DNAH14: variants seen among roughly 807,000 people sequenced by gnomAD.
The protein encoded by DNAH14 is axonemal beta dynein heavy chain 14.
Under a neutral mutation model 520.9 loss-of-function variants are expected in DNAH14, and 478 were observed. That is an observed-to-expected ratio of 0.92 (90% CI 0.85 to 0.99). The LOEUF (loss-of-function observed/expected upper bound fraction) is 0.99, where lower values mean the gene tolerates loss of function less well. Among genes scored for constraint, DNAH14 ranks in the 50% least tolerant of loss-of-function variants. The pLI, the probability that DNAH14 is intolerant of heterozygous loss-of-function variation, is 0.00. For missense variants in DNAH14, 4,831 were observed against 5,234.5 expected, an observed-to-expected ratio of 0.92 and a Z score of 2.38; for synonymous variants, 1,581 against 1,757.2, an observed-to-expected ratio of 0.90 and a Z score of 2.51.
intron 3 of DNAH14, among the ~76,000 whole-genome samples, chr1:224,955,678 C>A (rs2060467352): frequency 6.6e-6 from 1 of 152,150 alleles, no homozygotes; most frequent in South Asian, 2.1e-4. Flanking sequence ...ACTGTACCTC[C>A]TCTCCTTTAA....
intron 54 of DNAH14, among the ~76,000 whole-genome samples, chr1:225,282,820 TG>T (rs1296660619): frequency 1.3e-5 from 2 of 152,232 alleles, no homozygotes; most frequent in Non-Finnish European, 2.9e-5. Flanking sequence ...ATTTGTTTAT[TG>T]ATCATTCGGG....
At chr1:225,231,243 C>A in intron 42 of DNAH14, 92 bp downstream of exon 42, 1 of 828,740 alleles carries the variant, frequency 1.2e-6, no homozygotes, top group Non-Finnish European at 1.8e-6. Flanking sequence ...TAAATCAATA[C>A]TTTTGTATTT....
At chr1:225,142,593 C>T (rs2079554534) in intron 28 of DNAH14, among the ~76,000 whole-genome samples, 1 of 152,076 alleles carries the variant, frequency 6.6e-6, no homozygotes, top group Non-Finnish European at 1.5e-5. Flanking sequence ...GTAAGTGGTG[C>T]AGTACACAAT....
chr1:225,135,555 G>C (rs932817610), intron 27 of DNAH14, among the ~76,000 whole-genome samples: 1 of 152,102 alleles, frequency 6.6e-6, no homozygotes, highest in Non-Finnish European at 1.5e-5. Context: ...TTGCAGAGGA[G>C]TGTGATCACT....
At chr1:225,098,495 G>C (rs1029676019) in intron 22 of DNAH14, among the ~76,000 whole-genome samples, 1 of 152,160 alleles carries the variant, frequency 6.6e-6, no homozygotes. Context: ...GGAAAATCTT[G>C]AATAATATGT....
chr1:225,392,054 C>T (rs1438467337), intron 83 of DNAH14, among the ~76,000 whole-genome samples: 2 of 152,154 alleles, frequency 1.3e-5, no homozygotes, highest in African/African-American at 4.8e-5. Context: ...AGGAGGGGTG[C>T]TGGCCTTGAA....
intron 56 of DNAH14, among the ~76,000 whole-genome samples, chr1:225,302,533 G>C (rs2094158683): frequency 6.6e-6 from 1 of 152,146 alleles, no homozygotes; most frequent in Non-Finnish European, 1.5e-5. Context: ...TTATTGCAAA[G>C]TGATATCTGG....
chr1:225,002,177 G>A (rs2063819913), intron 8 of DNAH14, among the ~76,000 whole-genome samples: 1 of 152,064 alleles, frequency 6.6e-6, no homozygotes, highest in Non-Finnish European at 1.5e-5. Context: ...TGCTTTACTT[G>A]ATCCAATTTT....
In DNAH14 at chr1:225,183,444, G is replaced by A. The variant is rs561958625; in HGVS notation, c.5536-1847G>A. ...AAGAGGAAAGTTTATAGCACTGAAT[G>A]CCTACATTAAGAAATTAGAAAGATC... On this transcript the variant is annotated intron_variant, in intron 36 of 85. Coordinates refer to ENST00000682510, the MANE Select transcript of DNAH14 (RefSeq NM_001367479.1). Among the ~76,000 whole-genome samples, 100 of 152,294 alleles carry A rather than the reference G, an allele frequency of 6.6e-4. 3 individuals carry two copies. In the South Asian group the frequency reaches 0.014, roughly 21 times the overall value.
intron 39 of DNAH14, among the ~76,000 whole-genome samples, chr1:225,205,665 A>G (rs185262677): frequency 6.6e-6 from 1 of 152,324 alleles, no homozygotes; most frequent in East Asian, 1.9e-4. Flanking sequence ...AAACTTACAA[A>G]TCATATTATT....
chr1:225,142,998 T>TA (rs1169182076), intron 28 of DNAH14, among the ~76,000 whole-genome samples: 2 of 152,122 alleles, frequency 1.3e-5, no homozygotes, highest in African/African-American at 4.8e-5. Context: ...TTCATTTGTG[T>TA]ACCTTGTTTC....
Position 225,271,171 on chromosome 1 carries a change from A to G in DNAH14, c.7671+305A>G, listed in dbSNP as rs1385406180. 2.6e-5 allele frequency among the ~76,000 whole-genome samples: 4 copies of G among 152,196 alleles called. No individual in the cohort carries two copies. The East Asian group carries it at 5.8e-4, about 22-fold the overall frequency. On this transcript the variant is annotated intron_variant, in intron 50 of 85. Transcript: ENST00000682510. Reference sequence around the variant, plus strand: ...ATGTAGGAATCTGCATTTTTAACACACATACCCTGATTTTTGCCAGAATTG... The same window carrying G: ...ATGTAGGAATCTGCATTTTTAACACGCATACCCTGATTTTTGCCAGAATTG...
chr1:225,251,069 G>A (rs538536741), intron 43 of DNAH14, among the ~76,000 whole-genome samples: 3 of 152,180 alleles, frequency 2.0e-5, no homozygotes. Context: ...TTCAGCAAAT[G>A]GTACTGGACC....
intron 17 of DNAH14, among the ~76,000 whole-genome samples, chr1:225,066,866 T>C (rs749282298): frequency 6.6e-6 from 1 of 152,136 alleles, no homozygotes; most frequent in Non-Finnish European, 1.5e-5. Context: ...CCATGGTGTG[T>C]GTATACCACA....
chr1:224,982,376 G>A lies in DNAH14; in HGVS notation c.830+8223G>A, dbSNP rs1007921703. ...TACATTTTATTCATCCGTCATTTGG[G>A]TCAGGGTCTGCTAATGCACTCTTGT... On this transcript the variant is annotated intron_variant, in intron 8 of 85. Coordinates refer to ENST00000682510, the MANE Select transcript of DNAH14 (RefSeq NM_001367479.1). Among the ~76,000 whole-genome samples the A allele has an allele frequency of 2.6e-5, 4 of 152,266 alleles. No homozygotes were observed. In the South Asian group the frequency reaches 8.3e-4, roughly 32 times the overall value.
intron 38 of DNAH14, among the ~76,000 whole-genome samples, chr1:225,196,043 T>C (rs7543666): frequency 0.026 from 4,020 of 152,208 alleles, 158 homozygotes; most frequent in African/African-American, 0.08. Context: ...CCATAGGTTA[T>C]TGGGGAACGG....
At chr1:225,275,503 G>T (rs1168375750) in intron 52 of DNAH14, among the ~76,000 whole-genome samples, 1 of 152,160 alleles carries the variant, frequency 6.6e-6, no homozygotes, top group Non-Finnish European at 1.5e-5. Flanking sequence ...AGTAAACCAG[G>T]AAAGGACATG....
At chr1:225,385,099 A>G (rs1174645023) in intron 81 of DNAH14, among the ~76,000 whole-genome samples, 5 of 152,260 alleles carry the variant, frequency 3.3e-5, no homozygotes, top group Admixed American at 6.5e-5. Flanking sequence ...AACGTAATCC[A>G]TCATGTAAAC....
At chr1:225,335,986 T>C (rs1558440424) in intron 66 of DNAH14, among the ~76,000 whole-genome samples, 1 of 136,236 alleles carries the variant, frequency 7.3e-6, no homozygotes, top group East Asian at 2.3e-4. Flanking sequence ...TATGTGTATA[T>C]ACACACATAT....
Sources: allele counts gnomAD v4.1 joint callset (sites outside exome capture counted in the v4.1 genomes callset), GRCh38; gene constraint gnomAD v4.1.1; transcripts MANE v1.5; gene names NCBI Gene and HGNC (gene_info 2026-07-23, HGNC 2026-07-21).